SZT2: variants seen among roughly 807,000 people sequenced by gnomAD.
The protein encoded by SZT2 is KICSTOR complex protein SZT2.
A neutral mutation model predicts 404.2 loss-of-function variants in SZT2; 216 were observed. The observed-to-expected ratio is 0.53, with a 90% confidence interval of 0.48 to 0.60. SZT2 has a LOEUF of 0.60. SZT2 is among the 20% of genes least tolerant of loss of function. The pLI is 0.00. For synonymous variants in SZT2, 1,693 were observed against 1,749.9 expected (o/e 0.97, Z 0.81); for missense variants, 3,857 against 4,459.2 (o/e 0.86, Z 3.85).
chr1:43,395,489 A>G (rs1283546509), intron 1 of SZT2, among the ~76,000 whole-genome samples: 1 of 152,176 alleles, frequency 6.6e-6, no homozygotes, highest in Non-Finnish European at 1.5e-5. Context: ...TTGTAGAGAC[A>G]GGGTTTTGCC....
At position 43,441,816 on chromosome 1, in the gene SZT2, T is replaced by C. The variant is rs745814713; in HGVS notation, c.7740T>C (p.His2580=). The change falls in exon 55 of 72, where the codon CAT becomes CAC. Residue 2580 remains histidine, a splice_region_variant and synonymous_variant. Transcript: ENST00000634258. The surrounding 1 kb of genome is among the most constrained non-coding windows in gnomAD (Gnocchi z 4.8). Reference sequence around the variant, plus strand: ...CCAGTGTCCGCATCTTTGAGCAGCATTTGTGAGTGTAGATCCTATAGAATT... The same window carrying C: ...CCAGTGTCCGCATCTTTGAGCAGCACTTGTGAGTGTAGATCCTATAGAATT... ...GDTSVRIFEQ[H]LGSEPEIFGP... is the part of the protein sequence containing the mutation. 3 of 1,614,088 alleles carry C rather than the reference T, an allele frequency of 1.9e-6. No homozygotes were observed. The Admixed American group carries it at 5.0e-5, about 27-fold the overall frequency.
In SZT2 at chr1:43,441,067, C is replaced by A; in HGVS notation, c.7345-147C>A. Reference sequence around the variant, plus strand: ...AGGCTCAGGAAAGTTAGGTAACCTGCCCAAGGCTCCTTAGCCAGCCCCTGG... The same window carrying A: ...AGGCTCAGGAAAGTTAGGTAACCTGACCAAGGCTCCTTAGCCAGCCCCTGG... On this transcript the variant is annotated intron_variant, in intron 52 of 71. Coordinates refer to ENST00000634258, the MANE Select transcript of SZT2 (RefSeq NM_001365999.1). The surrounding 1 kb of genome is among the most constrained non-coding windows in gnomAD (Gnocchi z 4.8). The A allele has an allele frequency of 2.0e-6, 2 of 996,194 alleles. No individual in the cohort carries two copies. Among genetic ancestry groups the A allele is most frequent in the Non-Finnish European group, 3.0e-6 (2 of 670,836 alleles). 61.7% of individuals were successfully genotyped at this position (996,194 alleles called of 1,614,324 possible).
At position 43,447,975 on chromosome 1, in the gene SZT2, A is replaced by G. The variant is rs1655886962; in HGVS notation, c.9563+4A>G. 1.2e-6 allele frequency: 2 copies of G among 1,613,796 alleles called. No homozygotes were observed. The highest frequency in any genetic ancestry group is 1.3e-5 in the African/African-American group (1 of 74,858). On this transcript the variant is annotated splice_donor_region_variant and intron_variant, in intron 68 of 71. Transcript: ENST00000634258. ...AGGCTGAGCGGCACGTTCTGCGGTCAGCAGATCCCCTACCTTGAACATGCC... is the reference window on the plus strand; with the variant it reads ...AGGCTGAGCGGCACGTTCTGCGGTCGGCAGATCCCCTACCTTGAACATGCC...
intron 40 of SZT2, among the ~76,000 whole-genome samples, chr1:43,434,071 C>T (rs1654207117): frequency 6.6e-6 from 1 of 152,140 alleles, no homozygotes; most frequent in South Asian, 2.1e-4. Flanking sequence ...GACCACCATT[C>T]TGAAGAAGAC....
chr1:43,453,886 T>C lies in SZT2; in HGVS notation c.*3406T>C. 2 of 1,222,990 alleles carry C rather than the reference T, an allele frequency of 1.6e-6. No homozygotes were observed. Among genetic ancestry groups the C allele is most frequent in the Non-Finnish European group, 2.0e-6 (2 of 984,100 alleles). 75.8% of individuals were successfully genotyped at this position (1,222,990 alleles called of 1,614,324 possible). On this transcript the variant is annotated 3_prime_UTR_variant, in exon 72 of 72. Transcript: ENST00000634258. ...CGGGCGGGGGCGGGGCTCTCCTTGC[T>C]GGCCCTGCGAACGAACGAGCACTGT...
chr1:43,391,762 A>C (rs1300368422), intron 1 of SZT2, among the ~76,000 whole-genome samples: 1 of 152,218 alleles, frequency 6.6e-6, no homozygotes, highest in Admixed American at 6.5e-5. Flanking sequence ...CATGTGTAAT[A>C]TTAAATTTTC....
chr1:43,432,183 A>G, intron 36 of SZT2, 89 bp from the exon 37 acceptor site: 1 of 1,355,804 alleles, frequency 7.4e-7, no homozygotes, highest in Non-Finnish European at 1.0e-6. Flanking sequence ...TTTACCAGGT[A>G]GTTAGGAGCG....
intron 62 of SZT2, 56 bp from the exon 63 acceptor site, chr1:43,445,838 C>G (rs538009625): frequency 6.5e-7 from 1 of 1,530,706 alleles, no homozygotes; most frequent in Non-Finnish European, 9.1e-7. Flanking sequence ...GTCTGATCAC[C>G]ATGACTGCAT....
At chr1:43,399,068 A>G (rs1649348379) in intron 1 of SZT2, among the ~76,000 whole-genome samples, 1 of 151,934 alleles carries the variant, frequency 6.6e-6, no homozygotes, top group African/African-American at 2.4e-5. Flanking sequence ...CGACAGAGCG[A>G]GACTCCGTCT....
At chr1:43,433,800 G>A (rs536431590) in intron 40 of SZT2, among the ~76,000 whole-genome samples, 1 of 152,288 alleles carries the variant, frequency 6.6e-6, no homozygotes, top group African/African-American at 2.4e-5. Flanking sequence ...AGGCATAATA[G>A]CTAATATTTA....
Position 43,441,938 on chromosome 1 carries a change from T to C in SZT2, c.7743-62T>C, listed in dbSNP as rs1402912614. On this transcript the variant is annotated intron_variant, in intron 55 of 71. Transcript: ENST00000634258. The surrounding 1 kb of genome is among the most constrained non-coding windows in gnomAD (Gnocchi z 4.8). ...GAGGTGGAAACAAGGCCCAGGGAGG[T>C]GAAGGCTAGGCCAGGGAGTGGTGTC... 6 of 1,589,988 alleles carry C rather than the reference T, an allele frequency of 3.8e-6. No homozygotes were observed. The highest frequency in any genetic ancestry group is 5.1e-6 in the Non-Finnish European group (6 of 1,165,244).
In SZT2 at chr1:43,425,385, G is replaced by A; in HGVS notation, c.2646-89G>A. 6.4e-7 allele frequency: 1 copy of A among 1,572,508 alleles called. No homozygotes were observed. Among genetic ancestry groups the A allele is most frequent in the Admixed American group, 1.7e-5 (1 of 58,452 alleles). ...CTGGGAAGGCCTTGTATGACTCGTG[G>A]CTGTCCTCTGTGCCTGCCTCCTTCC... On this transcript the variant is annotated intron_variant, in intron 18 of 71. Coordinates refer to ENST00000634258, the MANE Select transcript of SZT2 (RefSeq NM_001365999.1). This position sits in a 1 kb window ranked among gnomAD's most constrained non-coding sequence, Gnocchi z 4.3.
In SZT2 at chr1:43,420,701, C is replaced by T. The variant is rs542391641; in HGVS notation, c.1262-48C>T. ...TTTCAGATAGAACTCGATCCCAGGC[C>T]TAGAGTCCTATGCCTTCTCCTAACT... is the stretch of plus-strand genomic sequence containing the variant. On this transcript the variant is annotated intron_variant, in intron 9 of 71. Coordinates refer to ENST00000634258, the MANE Select transcript of SZT2 (RefSeq NM_001365999.1). This position sits in a 1 kb window ranked among gnomAD's most constrained non-coding sequence, Gnocchi z 5.1. The T allele has an allele frequency of 3.9e-6, 6 of 1,531,714 alleles. No homozygotes were observed. In the South Asian group the frequency reaches 6.7e-5, roughly 17 times the overall value. The allele number at this position is 1,531,714 out of a possible 1,614,324, so 94.9% of individuals were successfully genotyped here.
At chr1:43,429,660 T>C in intron 28 of SZT2, 43 bp from the exon 29 acceptor site, 1 of 1,612,606 alleles carries the variant, frequency 6.2e-7, no homozygotes, top group Admixed American at 1.7e-5. Context: ...CTTCAGAGCT[T>C]GATGGTTCTT....
chr1:43,414,426 A>T lies in SZT2; in HGVS notation c.499-656A>T, dbSNP rs190859552. Among the ~76,000 whole-genome samples, 1,315 of 152,220 alleles carry T rather than the reference A, an allele frequency of 8.6e-3. 18 individuals carry two copies. Among genetic ancestry groups the T allele is most frequent in the African/African-American group, 0.029 (1,203 of 41,544 alleles). The stretch of plus-strand genomic sequence containing the variant: ...TTCTATGTACCCACAAAAATTTTTA[A>T]AAAAAAATTTTTTTTTATACAGTCT... On this transcript the variant is annotated intron_variant, in intron 4 of 71. Transcript: ENST00000634258.
intron 1 of SZT2, among the ~76,000 whole-genome samples, chr1:43,398,913 C>T (rs1649319938): frequency 6.6e-6 from 1 of 152,072 alleles, no homozygotes; most frequent in South Asian, 2.1e-4. Flanking sequence ...ACCACCATCT[C>T]TATTAAAAAT....
chr1:43,414,469 T>G (rs1651461610), intron 4 of SZT2, among the ~76,000 whole-genome samples: 2 of 152,134 alleles, frequency 1.3e-5, no homozygotes, highest in Admixed American at 6.5e-5. Context: ...TAGCCCAGGC[T>G]GGAGTGCAGT....
chr1:43,426,574 GC>G lies in SZT2; in HGVS notation c.3214+39del, dbSNP rs760770825. The G allele has an allele frequency of 2.6e-6, 4 of 1,523,992 alleles. No homozygotes were observed. Among genetic ancestry groups the G allele is most frequent in the Non-Finnish European group, 3.5e-6 (4 of 1,135,538 alleles). 94.4% of individuals were successfully genotyped at this position (1,523,992 alleles called of 1,614,324 possible). On this transcript the variant is annotated intron_variant, in intron 22 of 71. Transcript: ENST00000634258. This position sits in a 1 kb window ranked among gnomAD's most constrained non-coding sequence, Gnocchi z 4.9. ...CACATCCTCCTGACACCAGACCCTG[GC>G]CCAGCCCTTTTCCCCCACCCTCACA...
Position 43,450,170 on chromosome 1 carries a change from C to T in SZT2, c.10154C>T (p.Thr3385Met), listed in dbSNP as rs563977596. 1.3e-5 allele frequency: 21 copies of T among 1,614,140 alleles called. No individual in the cohort carries two copies. Among genetic ancestry groups the T allele is most frequent in the East Asian group, 4.5e-5 (2 of 44,874 alleles). The change falls in exon 71 of 72, where the codon ACG (threonine) becomes ATG (methionine). Residue 3385 changes from threonine to methionine, a missense_variant and splice_region_variant. Thr to Met is a moderately conservative substitution (Grantham distance 81). Around this residue, in one of 7 missense-constraint regions of SZT2, gnomAD observed 717 missense variants for 868.2 expected, o/e 0.83. Coordinates refer to ENST00000634258, the MANE Select transcript of SZT2 (RefSeq NM_001365999.1). This position sits in a 1 kb window ranked among gnomAD's most constrained non-coding sequence, Gnocchi z 4.3. Reference protein sequence around the residue: ...LVFLDSHLGKTSLTVVFREPF... With the variant: ...LVFLDSHLGKMSLTVVFREPF... The stretch of plus-strand genomic sequence containing the variant: ...TTTCTGGACTCCCACTTAGGAAAGA[C>T]GGTAAGAACGAGTGGGGGGCTTTGT...
Sources: gnomAD v4.1 joint callset for allele counts (sites outside exome capture counted in the v4.1 genomes callset) on GRCh38, gnomAD v4.1.1 for gene constraint, gnomAD v4.1.1 regional missense constraint, Gnocchi (gnomAD v3.1) non-coding constraint, MANE v1.5 for transcripts, NCBI Gene and HGNC (gene_info 2026-07-23, HGNC 2026-07-21) for gene names.